GPR89B: variants seen among roughly 807,000 people sequenced by gnomAD.
GPR89B encodes the protein G protein-coupled receptor 89B.
A neutral mutation model predicts 52.4 loss-of-function variants in GPR89B; 25 were observed. That is an observed-to-expected ratio of 0.48 (90% CI 0.35 to 0.67). GPR89B has a LOEUF of 0.67. Ranked by LOEUF, GPR89B falls within the 30% of genes least tolerant of loss-of-function variation. The pLI, the probability that GPR89B is intolerant of heterozygous loss-of-function variation, is 0.01. For synonymous variants in GPR89B, 52 were observed against 151.2 expected, an observed-to-expected ratio of 0.34 and a Z score of 4.81; for missense variants, 146 against 450.2, an observed-to-expected ratio of 0.32 and a Z score of 6.11.
chr1:148,002,583 G>A, the GPR89B span, among the ~76,000 whole-genome samples: 267 of 151,086 alleles, frequency 1.8e-3, 1 homozygote, highest in South Asian at 0.017. Flanking sequence ...TTCTTCTTGC[G>A]TAATTGTTAG....
the GPR89B span, among the ~76,000 whole-genome samples, chr1:148,021,358 C>T: frequency 6.6e-6 from 1 of 151,936 alleles, no homozygotes; most frequent in East Asian, 1.9e-4. Context: ...AAAAATTACC[C>T]GGGGGTGGTG....
chr1:147,929,425 T>G (rs1305241125), intron 1 of GPR89B, among the ~76,000 whole-genome samples: 2 of 152,192 alleles, frequency 1.3e-5, no homozygotes, highest in African/African-American at 4.8e-5. Context: ...AGATCCTGCC[T>G]TGTTCATAGC....
At chr1:147,947,510 ATCT>A (rs1267043802) in intron 5 of GPR89B, among the ~76,000 whole-genome samples, 5 of 152,046 alleles carry the variant, frequency 3.3e-5, no homozygotes, top group East Asian at 3.9e-4. Context: ...AGGTGAGATG[ATCT>A]TCTGCTAGTC....
At chr1:147,936,167 A>G (rs1413324809) in intron 1 of GPR89B, among the ~76,000 whole-genome samples, 1 of 152,012 alleles carries the variant, frequency 6.6e-6, no homozygotes, top group Non-Finnish European at 1.5e-5. Context: ...ACAGGTGCCC[A>G]CACCCAGCTA....
intron 10 of GPR89B, among the ~76,000 whole-genome samples, chr1:147,981,640 C>A (rs1239454192): frequency 1.3e-5 from 2 of 151,078 alleles, no homozygotes; most frequent in Admixed American, 1.3e-4. Flanking sequence ...CTGATGTGAA[C>A]ATTTGTGTAT....
chr1:147,936,302 G>A (rs782224350), intron 1 of GPR89B, among the ~76,000 whole-genome samples: 2 of 152,192 alleles, frequency 1.3e-5, no homozygotes, highest in African/African-American at 2.4e-5. Flanking sequence ...GTGAGGCACC[G>A]TGCCTGGCCA....
At chr1:147,955,677 A>G (rs1656063316) in intron 7 of GPR89B, among the ~76,000 whole-genome samples, 1 of 150,588 alleles carries the variant, frequency 6.6e-6, no homozygotes, top group Admixed American at 6.7e-5. Flanking sequence ...ATTGTTTGAT[A>G]TATCTGTTGG....
chr1:147,981,258 A>G (rs1346295750), intron 10 of GPR89B, among the ~76,000 whole-genome samples: 2 of 148,700 alleles, frequency 1.3e-5, no homozygotes, highest in African/African-American at 5.0e-5. Flanking sequence ...ACTTGAGCCC[A>G]GGAGTTTGAG....
chr1:147,940,727 A>G (rs6593850), intron 3 of GPR89B, among the ~76,000 whole-genome samples: 3 of 152,314 alleles, frequency 2.0e-5, no homozygotes, highest in South Asian at 2.1e-4. Context: ...ATTTGTAAAA[A>G]CAGGTGGCTG....
rs1178908619 is a variant in GPR89B, at chr1:147,928,426, C to T, written c.-111C>T. 2 of 1,320,340 alleles carry T rather than the reference C, an allele frequency of 1.5e-6. No homozygotes were observed. Among genetic ancestry groups the T allele is most frequent in the African/African-American group, 1.5e-5 (1 of 68,038 alleles). 81.8% of individuals were successfully genotyped at this position (1,320,340 alleles called of 1,614,324 possible). ...GGCGTCGGGCTGGAGAGCCGCAGTC[C>T]CGGCTGCAGCACCTGGGAGAAGGCA... is the stretch of plus-strand genomic sequence containing the variant. On this transcript the variant is annotated 5_prime_UTR_variant, in exon 1 of 14. Coordinates refer to ENST00000314163, the MANE Select transcript of GPR89B (RefSeq NM_016334.5).
At position 147,977,631 on chromosome 1, in the gene GPR89B, G is replaced by A. The variant is rs1437237414; in HGVS notation, c.909+7672G>A. ...TCTCTTCCAGGTACCTGAATCAGCC[G>A]TAGGTTCGGTATTTTTATGTAATCC... On this transcript the variant is annotated intron_variant, in intron 10 of 13. Coordinates refer to ENST00000314163, the MANE Select transcript of GPR89B (RefSeq NM_016334.5). 8.0e-3 allele frequency among the ~76,000 whole-genome samples: 1,200 copies of A among 150,818 alleles called. 34 individuals carry two copies. Among genetic ancestry groups the A allele is most frequent in the East Asian group, 0.047 (239 of 5,132 alleles).
chr1:147,969,257 G>C, intron 9 of GPR89B: 1 of 414,662 alleles, frequency 2.4e-6, no homozygotes, highest in Non-Finnish European at 4.3e-6. Flanking sequence ...GGATAAAGAT[G>C]GTAGCTACTT....
At chr1:147,994,202 G>A (rs1254449553), downstream of GPR89B, 84 of 1,578,622 alleles carry the variant, frequency 5.3e-5, no homozygotes, top group Middle Eastern at 2.3e-4. Context: ...CTTCTAAAGA[G>A]ACAGTAAACA....
intron 5 of GPR89B, among the ~76,000 whole-genome samples, chr1:147,952,529 C>G (rs1163877638): frequency 2.0e-5 from 3 of 152,040 alleles, no homozygotes; most frequent in Non-Finnish European, 4.4e-5. Context: ...TTGAAGCTGA[C>G]AGAATTCCTG....
At chr1:147,970,910 T>C (rs1343735204) in intron 10 of GPR89B, among the ~76,000 whole-genome samples, 2 of 151,164 alleles carry the variant, frequency 1.3e-5, no homozygotes, top group African/African-American at 4.9e-5. Flanking sequence ...ATGACTTTCC[T>C]ACTGGGTTTG....
At chr1:147,957,964 T>C (rs1460589152) in intron 7 of GPR89B, among the ~76,000 whole-genome samples, 1 of 151,042 alleles carries the variant, frequency 6.6e-6, no homozygotes, top group Non-Finnish European at 1.5e-5. Context: ...CTCGGGAGAC[T>C]GAGGCAGGAG....
At chr1:147,944,416 T>TA (rs2149045279) in intron 5 of GPR89B, among the ~76,000 whole-genome samples, 1 of 150,960 alleles carries the variant, frequency 6.6e-6, no homozygotes, top group Admixed American at 6.6e-5. Flanking sequence ...TTAAAGGGTA[T>TA]AAGGAAAGAG....
At chr1:147,961,503 T>A (rs1656564760) in intron 7 of GPR89B, among the ~76,000 whole-genome samples, 1 of 152,204 alleles carries the variant, frequency 6.6e-6, no homozygotes, top group Non-Finnish European at 1.5e-5. Flanking sequence ...GAATACCAAA[T>A]GAACATACAA....
chr1:147,942,467 A>G (rs1286440185), intron 3 of GPR89B, among the ~76,000 whole-genome samples: 2 of 152,066 alleles, frequency 1.3e-5, no homozygotes, highest in African/African-American at 4.8e-5. Flanking sequence ...ATTTCTACCT[A>G]AAGAGAAATG....
Sources: gnomAD v4.1 joint callset for allele counts (sites outside exome capture counted in the v4.1 genomes callset) on GRCh38, gnomAD v4.1.1 for gene constraint, MANE v1.5 for transcripts, NCBI Gene and HGNC (gene_info 2026-07-23, HGNC 2026-07-21) for gene names.